The following DMD variants were observed in gnomAD, a reference collection of about 807,000 sequenced individuals.
DMD encodes mutant dystrophin.
Under a neutral mutation model 330.1 loss-of-function variants are expected in DMD, and 63 were observed. That is an observed-to-expected ratio of 0.19 (90% CI 0.16 to 0.24). DMD has a LOEUF of 0.24. DMD is among the 10% of genes least tolerant of loss of function. The pLI is 1.00. For synonymous variants in DMD, 1,223 were observed against 959.8 expected (o/e 1.27, Z -5.07); for missense variants, 3,344 against 2,684.1 (o/e 1.25, Z -5.43).
At chrX:33,129,998 C>T (rs2095489678) in intron 1 of DMD, among the ~76,000 whole-genome samples, 1 of 111,798 alleles carries the variant, frequency 8.9e-6, no homozygotes, top group Non-Finnish European at 1.9e-5. Flanking sequence ...AGAAGCTTTT[C>T]CGAACAAGTA....
chrX:32,730,189 G>C lies in DMD; in HGVS notation c.650-30896C>G, dbSNP rs140212741. 5.0e-3 allele frequency among the ~76,000 whole-genome samples: 560 copies of C among 111,819 alleles called. 13 individuals carry two copies. Among genetic ancestry groups the C allele is most frequent in the African/African-American group, 0.017 (530 of 30,760 alleles). ...CTCTACAAAATAACAATAAAAAATTGTTTAAATGTACCTCTGCATTGTGTT... is the reference window on the plus strand; with the variant it reads ...CTCTACAAAATAACAATAAAAAATTCTTTAAATGTACCTCTGCATTGTGTT... On this transcript the variant is annotated intron_variant, in intron 7 of 78. Coordinates refer to ENST00000357033, the MANE Select transcript of DMD (RefSeq NM_004006.3).
chrX:31,453,765 CAAA>C (rs760511403), intron 59 of DMD, among the ~76,000 whole-genome samples: 3 of 8,977 alleles, frequency 3.3e-4, no homozygotes, highest in African/African-American at 1.5e-3. Flanking sequence ...AAAAAACAAG[CAAA>C]AAAAAAAAAA....
chrX:33,225,960 C>T (rs2052279191), intron 1 of DMD, among the ~76,000 whole-genome samples: 2 of 111,392 alleles, frequency 1.8e-5, no homozygotes, highest in Non-Finnish European at 3.8e-5. Context: ...GGCGGATAAG[C>T]TTGTGAAAAG....
At chrX:31,640,438 TATG>T (rs1249212485) in intron 54 of DMD, among the ~76,000 whole-genome samples, 1 of 112,515 alleles carries the variant, frequency 8.9e-6, no homozygotes, top group Non-Finnish European at 1.9e-5. Context: ...CTTTTTTTGT[TATG>T]ATTTTTTATA....
At chrX:31,386,645 C>A (rs916564335) in intron 60 of DMD, among the ~76,000 whole-genome samples, 4 of 112,118 alleles carry the variant, frequency 3.6e-5, no homozygotes, top group African/African-American at 1.3e-4. Context: ...CAGTGCTTGG[C>A]ACATAATGGA....
chrX:33,115,701 C>T (rs765392481), intron 1 of DMD, among the ~76,000 whole-genome samples: 1 of 107,768 alleles, frequency 9.3e-6, no homozygotes, highest in East Asian at 3.0e-4. Context: ...TTAGTAGATA[C>T]GGGGTTTGTA....
intron 43 of DMD, among the ~76,000 whole-genome samples, chrX:32,247,021 T>C (rs1402015741): frequency 2.7e-5 from 3 of 111,964 alleles, no homozygotes; most frequent in African/African-American, 9.7e-5. Flanking sequence ...ATCTAATTTA[T>C]TTTTATAGCC....
chrX:31,131,251 A>C (rs963479294), intron 77 of DMD, among the ~76,000 whole-genome samples: 1 of 112,403 alleles, frequency 8.9e-6, no homozygotes, highest in Non-Finnish European at 1.9e-5. Context: ...AGTATTTTTA[A>C]ACCACTGGTT....
chrX:31,342,313 T>A (rs1406988561), intron 61 of DMD, among the ~76,000 whole-genome samples: 2 of 111,793 alleles, frequency 1.8e-5, no homozygotes, highest in African/African-American at 3.3e-5. Flanking sequence ...ATCTGGCAAA[T>A]ACCACATTAA....
At chrX:32,897,309 T>C (rs933343649) in intron 2 of DMD, among the ~76,000 whole-genome samples, 6 of 107,671 alleles carry the variant, frequency 5.6e-5, no homozygotes, top group African/African-American at 2.0e-4. Context: ...GAACAAAGAG[T>C]AAAGGAAGGA....
chrX:32,504,354 T>C (rs558736986), intron 18 of DMD, among the ~76,000 whole-genome samples: 1 of 111,783 alleles, frequency 8.9e-6, no homozygotes, highest in East Asian at 2.8e-4. Context: ...CTGGGTGCAG[T>C]GGCTCACACC....
chrX:32,175,496 C>G (rs1313016832), intron 44 of DMD, among the ~76,000 whole-genome samples: 1 of 110,726 alleles, frequency 9.0e-6, no homozygotes, highest in Non-Finnish European at 1.9e-5. Flanking sequence ...TTCTTTTGCT[C>G]TTCACAATAA....
chrX:32,690,727 C>A (rs1304311246), intron 9 of DMD, among the ~76,000 whole-genome samples: 1 of 111,428 alleles, frequency 9.0e-6, no homozygotes, highest in East Asian at 2.8e-4. Context: ...TAGAGCCAAG[C>A]ATACACAAGG....
At chrX:33,088,607 C>A (rs775939752) in intron 1 of DMD, among the ~76,000 whole-genome samples, 17 of 110,998 alleles carry the variant, frequency 1.5e-4, no homozygotes, top group African/African-American at 5.6e-4. Flanking sequence ...ATGGTGTAAA[C>A]CCGGGAGGCG....
chrX:33,119,427 T>C (rs926307655), intron 1 of DMD, among the ~76,000 whole-genome samples: 1 of 112,365 alleles, frequency 8.9e-6, no homozygotes, highest in Admixed American at 9.5e-5. Context: ...ATTAGTTTAT[T>C]CCGCAAATAC....
intron 59 of DMD, among the ~76,000 whole-genome samples, chrX:31,475,738 T>C (rs985499137): frequency 1.8e-5 from 2 of 111,914 alleles, no homozygotes; most frequent in African/African-American, 6.5e-5. Context: ...TCATAAAACA[T>C]TGGGGTAGAA....
intron 7 of DMD, among the ~76,000 whole-genome samples, chrX:32,757,298 G>T (rs1040255677): frequency 5.4e-5 from 6 of 111,275 alleles, no homozygotes; most frequent in African/African-American, 1.3e-4. Context: ...CTGAAATTTT[G>T]TGTAACCCCA....
intron 7 of DMD, among the ~76,000 whole-genome samples, chrX:32,707,252 T>C (rs977974005): frequency 2.7e-5 from 3 of 112,189 alleles, no homozygotes; most frequent in Non-Finnish European, 5.6e-5. Flanking sequence ...AGAATGACTG[T>C]AATGGGAAAG....
intron 48 of DMD, among the ~76,000 whole-genome samples, chrX:31,845,033 T>TATATATATATATATGTATATGTGTATAC (rs1569474400): frequency 2.5e-4 from 25 of 99,295 alleles, no homozygotes; most frequent in African/African-American, 9.8e-4. Flanking sequence ...TGTATACATA[T>TATATATATATATATGTATATGTGTATAC]ATATATATAT....
Sources: gnomAD v4.1 joint callset for allele counts (sites outside exome capture counted in the v4.1 genomes callset) on GRCh38, gnomAD v4.1.1 for gene constraint, MANE v1.5 for transcripts, NCBI Gene and HGNC (gene_info 2026-07-23, HGNC 2026-07-21) for gene names.